Variants in BCAS3 observed in about 807,000 individuals in gnomAD.
BCAS3 encodes the protein BCAS3 microtubule associated cell migration factor.
BCAS3 carries 53 observed loss-of-function variants against 116.1 expected under a neutral mutation model. That is an observed-to-expected ratio of 0.46 (90% CI 0.37 to 0.57). BCAS3 has a LOEUF of 0.57. Among genes scored for constraint, BCAS3 ranks in the 20% least tolerant of loss-of-function variants. BCAS3 has a pLI of 0.00. For missense variants in BCAS3, 917 were observed against 1,165.4 expected (o/e 0.79, Z 3.10); for synonymous variants, 391 against 408.2 (o/e 0.96, Z 0.51).
At chr17:60,977,086 G>A (rs1186421013) in intron 14 of BCAS3, among the ~76,000 whole-genome samples, 1 of 151,454 alleles carries the variant, frequency 6.6e-6, no homozygotes, top group South Asian at 2.1e-4. Context: ...CCTCCCGGAC[G>A]GGGTGGCTGG....
chr17:60,822,452 A>G (rs576086784), intron 7 of BCAS3, among the ~76,000 whole-genome samples: 16 of 152,276 alleles, frequency 1.1e-4, no homozygotes, highest in Admixed American at 2.6e-4. Context: ...TTTACCTGCA[A>G]TTGCTACAGA....
rs2056499973 is a variant in BCAS3 at position 61,333,938 on chromosome 17, G to C, written c.2426-34389G>C. 6.6e-6 allele frequency among the ~76,000 whole-genome samples: 1 copy of C among 152,050 alleles called. No individual in the cohort carries two copies. ...CCCTGCCAAGTTCTTGAACCTTTCT[G>C]GTCATTTGCTTCCCTGATTGAGAGA... On this transcript the variant is annotated intron_variant, in intron 22 of 23. Coordinates refer to ENST00000407086, the MANE Select transcript of BCAS3 (RefSeq NM_017679.5). The surrounding 1 kb of genome is among the most constrained non-coding windows in gnomAD (Gnocchi z 4.8).
intron 22 of BCAS3, among the ~76,000 whole-genome samples, chr17:61,274,221 G>A (rs973059767): frequency 1.4e-5 from 2 of 141,854 alleles, no homozygotes; most frequent in African/African-American, 2.6e-5. Context: ...TTAGTTTTTT[G>A]TCCTTGTGAT....
chr17:60,701,228 A>G (rs904223907), intron 4 of BCAS3, among the ~76,000 whole-genome samples: 2 of 151,674 alleles, frequency 1.3e-5, no homozygotes, highest in Non-Finnish European at 2.9e-5. Flanking sequence ...TGGGTGATGG[A>G]GTGAGTCTGT....
chr17:60,732,621 A>G (rs1196532063), intron 5 of BCAS3, among the ~76,000 whole-genome samples: 1 of 152,068 alleles, frequency 6.6e-6, no homozygotes, highest in Non-Finnish European at 1.5e-5. Context: ...CGGGCAGATC[A>G]CGAGGTCAAG....
chr17:60,939,486 G>T (rs2060115517), intron 13 of BCAS3, among the ~76,000 whole-genome samples: 1 of 152,120 alleles, frequency 6.6e-6, no homozygotes, highest in Non-Finnish European at 1.5e-5. Flanking sequence ...TATATAAATT[G>T]TGGTATGTAT....
chr17:60,828,761 C>T lies in BCAS3; in HGVS notation c.476+20685C>T, dbSNP rs184069791. On this transcript the variant is annotated intron_variant, in intron 7 of 23. Coordinates refer to ENST00000407086, the MANE Select transcript of BCAS3 (RefSeq NM_017679.5). ...TCTCTTTTATTCTGAGAAGGGGCTT[C>T]CTTATGTTCTTTCAAGACATGTTTA... Among the ~76,000 whole-genome samples, 332 of 152,092 alleles carry T rather than the reference C, an allele frequency of 2.2e-3. 4 individuals are homozygous for T. The Middle Eastern group carries it at 0.031, about 14-fold the overall frequency.
intron 22 of BCAS3, among the ~76,000 whole-genome samples, chr17:61,165,542 C>T (rs2078437144): frequency 6.6e-6 from 1 of 151,942 alleles, no homozygotes; most frequent in Non-Finnish European, 1.5e-5. Context: ...CAAAATTAGC[C>T]AGGCATGGTG....
In BCAS3 at chr17:61,205,582, A is replaced by G. The variant is rs1157317631; in HGVS notation, c.2425+121018A>G. On this transcript the variant is annotated intron_variant, in intron 22 of 23. Coordinates refer to ENST00000407086, the MANE Select transcript of BCAS3 (RefSeq NM_017679.5). This position sits in a 1 kb window ranked among gnomAD's most constrained non-coding sequence, Gnocchi z 5.2. ...TGTCATTGACCTTGACATACTCAGA[A>G]CAAATTGGTCTGTGTGATTGCTACC... Among the ~76,000 whole-genome samples, 1 of 152,172 alleles carries G rather than the reference A, an allele frequency of 6.6e-6. No homozygotes were observed. The highest frequency in any genetic ancestry group is 2.4e-5 in the African/African-American group (1 of 41,438).
At chr17:60,891,841 A>G in intron 10 of BCAS3, 1 of 424,192 alleles carries the variant, frequency 2.4e-6, no homozygotes, top group East Asian at 7.1e-5. Context: ...GCCTATTTCC[A>G]TTTTCATCAT....
intron 19 of BCAS3, among the ~76,000 whole-genome samples, chr17:61,064,732 A>T (rs894092899): frequency 8.5e-5 from 13 of 152,218 alleles, no homozygotes; most frequent in Non-Finnish European, 1.5e-4. Context: ...ACATAAAAGG[A>T]AAGTGAAACC....
chr17:60,980,068 A>G (rs1001637389), intron 14 of BCAS3, among the ~76,000 whole-genome samples: 1 of 152,140 alleles, frequency 6.6e-6, no homozygotes, highest in African/African-American at 2.4e-5. Context: ...TTCAGAGGGA[A>G]TGGTACCAGT....
At chr17:60,790,799 A>C (rs1448493282) in intron 6 of BCAS3, among the ~76,000 whole-genome samples, 1 of 134,062 alleles carries the variant, frequency 7.5e-6, no homozygotes, top group Non-Finnish European at 1.5e-5. Context: ...GTTGGAGTGC[A>C]GTGGTGTGAT....
At chr17:60,773,209 A>G (rs911812564) in intron 6 of BCAS3, among the ~76,000 whole-genome samples, 1 of 150,472 alleles carries the variant, frequency 6.6e-6, no homozygotes, top group African/African-American at 2.4e-5. Flanking sequence ...CTAATGACAT[A>G]TGATGTGGAA....
In BCAS3 at chr17:60,765,665, TGTCTTGGG is replaced by T. The variant is rs572959136; in HGVS notation, c.403+18389_403+18396del. On this transcript the variant is annotated intron_variant, in intron 6 of 23. Coordinates refer to ENST00000407086, the MANE Select transcript of BCAS3 (RefSeq NM_017679.5). ...ATCCTTGGTGAATCTGACAATTATG[TGTCTTGGG>T]GTTGCTCTTCTTGAGGAGTATCTTT... 8.5e-5 allele frequency among the ~76,000 whole-genome samples: 13 copies of T among 152,256 alleles called. No homozygotes were observed. The South Asian group carries it at 2.7e-3, about 32-fold the overall frequency.
Position 61,034,774 on chromosome 17 carries a change from T to A in BCAS3, c.1746T>A (p.Gly582=). Residue 582 remains glycine, a synonymous_variant, in exon 17 of 24, where the codon GGT becomes GGA. Transcript: ENST00000407086. The surrounding 1 kb of genome is among the most constrained non-coding windows in gnomAD (Gnocchi z 5.0). ...TSRSWFANNA[G]LKREKDQSKQ... ...GGTCATGGTTTGCAAATAATGCAGG[T>A]CTGAAAAGAGAAAAAGGTATGTATT... 6.2e-7 allele frequency: 1 copy of A among 1,606,870 alleles called. No homozygotes were observed. Among genetic ancestry groups the A allele is most frequent in the Non-Finnish European group, 8.5e-7 (1 of 1,177,748 alleles).
intron 11 of BCAS3, among the ~76,000 whole-genome samples, chr17:60,906,655 C>T (rs1333815825): frequency 6.6e-6 from 1 of 152,148 alleles, no homozygotes; most frequent in Non-Finnish European, 1.5e-5. Context: ...TAACTCAGTA[C>T]CTTCAAGCAG....
At chr17:60,772,385 C>G (rs558079961) in intron 6 of BCAS3, among the ~76,000 whole-genome samples, 1 of 151,946 alleles carries the variant, frequency 6.6e-6, no homozygotes, top group Non-Finnish European at 1.5e-5. Context: ...TATCCTTTGC[C>G]CACTTTTTGA....
At chr17:61,320,541 G>T (rs572588536) in intron 22 of BCAS3, among the ~76,000 whole-genome samples, 1 of 152,152 alleles carries the variant, frequency 6.6e-6, no homozygotes, top group South Asian at 2.1e-4. Context: ...AATTAGCCAG[G>T]TGTGGTGGCG....
Sources: allele counts gnomAD v4.1 joint callset (sites outside exome capture counted in the v4.1 genomes callset), GRCh38; gene constraint gnomAD v4.1.1; non-coding constraint Gnocchi (gnomAD v3.1); transcripts MANE v1.5; gene names NCBI Gene and HGNC (gene_info 2026-07-23, HGNC 2026-07-21).